Variants in NRXN1 observed in about 807,000 individuals in gnomAD.
NRXN1 encodes neurexin-1.
NRXN1 carries 39 observed loss-of-function variants against 150.9 expected under a neutral mutation model. That is an observed-to-expected ratio of 0.26 (90% CI 0.20 to 0.34). The LOEUF (loss-of-function observed/expected upper bound fraction) is 0.34, where lower values mean the gene tolerates loss of function less well. Ranked by LOEUF, NRXN1 falls within the 10% of genes least tolerant of loss-of-function variation. The probability of loss-of-function intolerance (pLI) is 1.00; values close to 1 mark genes in which losing one functional copy is unlikely to be tolerated. For missense variants in NRXN1, 1,815 were observed against 1,949.9 expected (o/e 0.93, Z 1.30); for synonymous variants, 924 against 757.0 (o/e 1.22, Z -3.62).
Position 51,027,932 on chromosome 2 carries a change from C to G in NRXN1, c.342G>C (p.Trp114Cys). The change falls in exon 2 of 23, where the codon TGG (tryptophan) becomes TGC (cysteine). Residue 114 changes from tryptophan (W) to cysteine (C), a missense_variant. Trp to Cys is a radical substitution (Grantham distance 215). Coordinates refer to ENST00000401669, the MANE Select transcript of NRXN1 (RefSeq NM_001330078.2). ...ACTGGCGGCGGATGCGCACGCTGTG[C>G]CAGGCGCCGTCGTTAACCGGCGTGT... is the stretch of plus-strand genomic sequence containing the variant. ...LADTPVNDGA[W>C]HSVRIRRQFR... is the part of the protein sequence containing the mutation. 2.5e-6 allele frequency: 4 copies of G among 1,605,456 alleles called. No individual in the cohort carries two copies. The highest frequency in any genetic ancestry group is 3.4e-6 in the Non-Finnish European group (4 of 1,179,640).
intron 5 of NRXN1, among the ~76,000 whole-genome samples, chr2:50,782,693 T>C (rs1254053148): frequency 6.6e-6 from 1 of 152,102 alleles, no homozygotes; most frequent in African/African-American, 2.4e-5. Flanking sequence ...TATTCAAATA[T>C]TTGTGGGGGG....
chr2:50,232,958 T>G (rs1400882), intron 18 of NRXN1, among the ~76,000 whole-genome samples: 63,032 of 151,848 alleles, frequency 0.42, 13,234 homozygotes, highest in Middle Eastern at 0.46. Flanking sequence ...TTCTCAATAA[T>G]ATGGCTGCTT....
At chr2:50,154,605 A>G (rs965098445) in intron 18 of NRXN1, among the ~76,000 whole-genome samples, 21 of 151,696 alleles carry the variant, frequency 1.4e-4, no homozygotes, top group Admixed American at 2.6e-4. Flanking sequence ...ACAGAATATT[A>G]TAGTACTTCA....
At chr2:49,970,719 T>C (rs1332722976) in intron 21 of NRXN1, 1 of 152,164 alleles carries the variant, frequency 6.6e-6, no homozygotes, top group Non-Finnish European at 1.5e-5. Context: ...TGCTAAAGAA[T>C]GTATAAATCT....
At chr2:50,635,792 T>C (rs564558590) in intron 5 of NRXN1, among the ~76,000 whole-genome samples, 4 of 152,268 alleles carry the variant, frequency 2.6e-5, no homozygotes, top group Admixed American at 1.3e-4. Context: ...GAGTTAGAAG[T>C]AGTTGAAGGG....
At chr2:50,814,929 T>G (rs1668713084) in intron 5 of NRXN1, among the ~76,000 whole-genome samples, 1 of 152,150 alleles carries the variant, frequency 6.6e-6, no homozygotes, top group Non-Finnish European at 1.5e-5. Flanking sequence ...TCTGAAAAAC[T>G]GTGTAGATGA....
chr2:50,553,344 T>A (rs899974150), intron 8 of NRXN1, among the ~76,000 whole-genome samples: 1 of 152,212 alleles, frequency 6.6e-6, no homozygotes. Context: ...TACATTACCA[T>A]GCTAAGACTT....
chr2:50,139,777 G>A (rs1464572917), intron 18 of NRXN1, among the ~76,000 whole-genome samples: 1 of 151,908 alleles, frequency 6.6e-6, no homozygotes, highest in Non-Finnish European at 1.5e-5. Context: ...TCTATACTAA[G>A]GAAACATTTA....
chr2:50,543,319 A>G (rs1156296477), intron 9 of NRXN1, among the ~76,000 whole-genome samples: 1 of 152,082 alleles, frequency 6.6e-6, no homozygotes, highest in Non-Finnish European at 1.5e-5. Flanking sequence ...ATTGGGGAAA[A>G]GTTCATATTT....
Position 51,027,718 on chromosome 2 carries a change from C to A in NRXN1, c.556G>T (p.Asp186Tyr). Residue 186 changes from aspartate to tyrosine, a missense_variant, in exon 2 of 23, where the codon GAC becomes TAC. This residue lies in a region of NRXN1 where 554 missense variants were observed against 478.8 expected (regional missense o/e 1.16). Coordinates refer to ENST00000401669, the MANE Select transcript of NRXN1 (RefSeq NM_001330078.2). The stretch of plus-strand genomic sequence containing the variant: ...ACCTGCGAGGAGTTGACCCTCACGT[C>A]ACGAATCCACCCCTTGAAGGGCTCC... ...EREPFKGWIR[D>Y]VRVNSSQVLP... The A allele has an allele frequency of 6.2e-7, 1 of 1,609,752 alleles. No individual in the cohort carries two copies. The highest frequency in any genetic ancestry group is 2.2e-5 in the East Asian group (1 of 44,662).
intron 5 of NRXN1, among the ~76,000 whole-genome samples, chr2:50,654,704 T>C (rs1381653429): frequency 1.3e-5 from 2 of 152,088 alleles, no homozygotes; most frequent in Non-Finnish European, 2.9e-5. Flanking sequence ...GTTTCTTGAC[T>C]TTCTAATGAT....
At chr2:49,943,833 T>C (rs1444626208) in intron 21 of NRXN1, 42 bp from the exon 22 acceptor site, 6 of 1,370,522 alleles carry the variant, frequency 4.4e-6, no homozygotes, top group Admixed American at 3.5e-5. Flanking sequence ...TAAAGGGTCC[T>C]AACAGATTCT....
At chr2:49,988,291 T>C (rs1374904593) in intron 21 of NRXN1, among the ~76,000 whole-genome samples, 2 of 151,450 alleles carry the variant, frequency 1.3e-5, no homozygotes. Context: ...GGTAATCAGA[T>C]AATTATTCTG....
At chr2:49,932,655 T>C (rs886512856) in intron 22 of NRXN1, among the ~76,000 whole-genome samples, 11 of 152,320 alleles carry the variant, frequency 7.2e-5, no homozygotes, top group African/African-American at 1.2e-4. Flanking sequence ...TTCTTCCATA[T>C]ATTTTAACAT....
intron 19 of NRXN1, among the ~76,000 whole-genome samples, chr2:50,072,855 AC>A (rs918848468): frequency 2.0e-5 from 3 of 152,184 alleles, no homozygotes; most frequent in African/African-American, 7.2e-5. Context: ...TGGTCCTAAA[AC>A]AAAAAGACTT....
intron 5 of NRXN1, among the ~76,000 whole-genome samples, chr2:50,882,789 T>C (rs1679644126): frequency 6.6e-6 from 1 of 151,914 alleles, no homozygotes; most frequent in Non-Finnish European, 1.5e-5. Context: ...TATTTTGTTT[T>C]AAGATAACAA....
At chr2:50,315,010 T>G (rs1349037352) in intron 17 of NRXN1, among the ~76,000 whole-genome samples, 2 of 152,016 alleles carry the variant, frequency 1.3e-5, no homozygotes, top group South Asian at 4.1e-4. Flanking sequence ...AAAATATAGA[T>G]AGGAAAATGT....
At chr2:50,618,969 A>C (rs1679504881) in intron 8 of NRXN1, 1 of 152,028 alleles carries the variant, frequency 6.6e-6, no homozygotes, top group South Asian at 2.1e-4. Flanking sequence ...TTGCACCTTT[A>C]AATCTCCCTT....
At chr2:50,690,159 A>T (rs934148022) in intron 5 of NRXN1, among the ~76,000 whole-genome samples, 2 of 151,980 alleles carry the variant, frequency 1.3e-5, no homozygotes, top group African/African-American at 4.8e-5. Flanking sequence ...TTGAATAACA[A>T]CTCTAAACAG....
Sources: allele counts gnomAD v4.1 joint callset (sites outside exome capture counted in the v4.1 genomes callset), GRCh38; gene constraint gnomAD v4.1.1; regional missense constraint gnomAD v4.1.1; transcripts MANE v1.5; gene names NCBI Gene and HGNC (gene_info 2026-07-23, HGNC 2026-07-21).